ARHGEF10: variants seen among roughly 807,000 people sequenced by gnomAD.
ARHGEF10 encodes the protein Rho guanine nucleotide exchange factor 10, also known as Rho guanine nucleotide exchange factor (GEF) 10.
A neutral mutation model predicts 147.4 loss-of-function variants in ARHGEF10; 140 were observed. The observed-to-expected ratio is 0.95, with a 90% CI of 0.83 to 1.09. The LOEUF (loss-of-function observed/expected upper bound fraction) is 1.09. Among genes scored for constraint, ARHGEF10 ranks in the 50% least tolerant of loss-of-function variants. The pLI is 0.00. For synonymous variants in ARHGEF10, 902 were observed against 695.8 expected (o/e 1.30, Z -4.67); for missense variants, 2,222 against 1,752.7 (o/e 1.27, Z -4.78).
intron 2 of ARHGEF10, among the ~76,000 whole-genome samples, chr8:1,846,284 C>G (rs1262583509): frequency 1.3e-5 from 2 of 152,226 alleles, no homozygotes; most frequent in African/African-American, 4.8e-5. Context: ...AGTGCTCTGG[C>G]TTGGAAACTT....
intron 1 of ARHGEF10, among the ~76,000 whole-genome samples, chr8:1,831,782 A>T (rs1295976326): frequency 6.6e-6 from 1 of 152,170 alleles, no homozygotes; most frequent in African/African-American, 2.4e-5. Flanking sequence ...GGTGCTCCTG[A>T]TGGAGTCACT....
intron 26 of ARHGEF10, 68 bp downstream of exon 26, chr8:1,934,010 G>A (rs1813366124): frequency 1.9e-6 from 3 of 1,601,650 alleles, no homozygotes; most frequent in Non-Finnish European, 2.6e-6. Context: ...CTGACTTCTG[G>A]TGCCGAAGTC....
intron 11 of ARHGEF10, 137 bp downstream of exon 11, chr8:1,885,844 C>G (rs1160241327): frequency 4.0e-6 from 3 of 743,240 alleles, no homozygotes; most frequent in Non-Finnish European, 7.1e-6. Flanking sequence ...ACTGTAGGTT[C>G]CTGGCCCAGC....
At chr8:1,829,038 C>T (rs979561050) in intron 1 of ARHGEF10, among the ~76,000 whole-genome samples, 3 of 152,236 alleles carry the variant, frequency 2.0e-5, no homozygotes, top group Non-Finnish European at 4.4e-5. Context: ...GACGGGGAGT[C>T]CTCGAGCTTT....
chr8:1,949,940 G>A (rs1814894100), intron 27 of ARHGEF10, among the ~76,000 whole-genome samples: 4 of 152,118 alleles, frequency 2.6e-5, no homozygotes, highest in African/African-American at 4.8e-5. Flanking sequence ...CTGTCTCTGA[G>A]GTTATTTGAA....
intron 26 of ARHGEF10, among the ~76,000 whole-genome samples, chr8:1,943,425 TCTC>T (rs796517093): frequency 2.6e-4 from 39 of 152,084 alleles, no homozygotes; most frequent in African/African-American, 9.2e-4. Context: ...CTGCACACCT[TCTC>T]CTCTGTGACG....
In ARHGEF10 at chr8:1,957,217, T is replaced by C; in HGVS notation, c.3989T>C (p.Leu1330Pro). Residue 1330 changes from leucine to proline, a missense_variant, in exon 29 of 29, where the codon CTG becomes CCG. Coordinates refer to ENST00000349830, the MANE Select transcript of ARHGEF10 (RefSeq NM_014629.4). ...RKARQPHQEE[L>P]APTVMVWQIP... ...GCCCGGCAGCCCCACCAGGAAGAGCTGGCGCCGACCGTCATGGTCTGGCAG... is the reference window on the plus strand; with the variant it reads ...GCCCGGCAGCCCCACCAGGAAGAGCCGGCGCCGACCGTCATGGTCTGGCAG... 1.2e-6 allele frequency: 2 copies of C among 1,612,080 alleles called. No individual in the cohort carries two copies. Among genetic ancestry groups the C allele is most frequent in the South Asian group, 2.2e-5 (2 of 91,054 alleles).
At chr8:1,889,167 T>G (rs1447541183) in intron 11 of ARHGEF10, among the ~76,000 whole-genome samples, 42 of 38,688 alleles carry the variant, frequency 1.1e-3, no homozygotes, top group African/African-American at 6.5e-3. Context: ...GACGCTGAGT[T>G]GGGGGGTTGT....
chr8:1,866,647 A>C, intron 6 of ARHGEF10, 45 bp downstream of exon 6: 2 of 1,567,760 alleles, frequency 1.3e-6, no homozygotes, highest in Non-Finnish European at 1.7e-6. Flanking sequence ...ACCACGCTCC[A>C]CAGACGTCAC....
intron 1 of ARHGEF10, among the ~76,000 whole-genome samples, chr8:1,837,676 G>A (rs1803668445): frequency 6.6e-6 from 1 of 152,190 alleles, no homozygotes; most frequent in South Asian, 2.1e-4. Flanking sequence ...GCGGGAAGGG[G>A]GAAGAGTGTG....
At position 1,867,473 on chromosome 8, in the gene ARHGEF10, A is replaced by C. The variant is rs12674789; in HGVS notation, c.622+871A>C. Among the ~76,000 whole-genome samples, 8 of 152,224 alleles carry C rather than the reference A, an allele frequency of 5.3e-5. No homozygotes were observed. In the East Asian group the frequency reaches 1.2e-3, roughly 22 times the overall value. ...AACGTAAACAGAGCAAAGAATTCCA[A>C]ACTCTATTTTTATGTACATTTAAAC... On this transcript the variant is annotated intron_variant, in intron 6 of 28. Coordinates refer to ENST00000349830, the MANE Select transcript of ARHGEF10 (RefSeq NM_014629.4).
rs566570595 is a variant in ARHGEF10 at position 1,935,039 on chromosome 8, T to G, written c.3222+1097T>G. On this transcript the variant is annotated intron_variant, in intron 26 of 28. Transcript: ENST00000349830. The stretch of plus-strand genomic sequence containing the variant: ...GGCAGCTCACAGAAAAAGAAAGAAA[T>G]AAACAATAAACTCATACACATATAA... Among the ~76,000 whole-genome samples, 207 of 152,254 alleles carry G rather than the reference T, an allele frequency of 1.4e-3. 2 individuals carry two copies. The highest frequency in any genetic ancestry group is 4.7e-3 in the African/African-American group (195 of 41,524).
At chr8:1,899,982 G>T (rs1376146992) in intron 15 of ARHGEF10, among the ~76,000 whole-genome samples, 2 of 152,224 alleles carry the variant, frequency 1.3e-5, no homozygotes, top group Non-Finnish European at 2.9e-5. Flanking sequence ...CGATGCGCCA[G>T]TGAGTCCCTG....
chr8:1,901,645 C>A (rs1195693505), intron 15 of ARHGEF10, among the ~76,000 whole-genome samples: 1 of 152,232 alleles, frequency 6.6e-6, no homozygotes, highest in Admixed American at 6.5e-5. Flanking sequence ...CGGATGCCCC[C>A]GGCTGTGCTC....
intron 2 of ARHGEF10, among the ~76,000 whole-genome samples, chr8:1,849,937 C>CAT (rs1458368236): frequency 2.4e-4 from 33 of 137,424 alleles, no homozygotes; most frequent in Non-Finnish European, 3.7e-4. Context: ...GGGCCGGCTG[C>CAT]GTGGACACAG....
chr8:1,826,841 C>T (rs1802800989), intron 1 of ARHGEF10, among the ~76,000 whole-genome samples: 1 of 152,198 alleles, frequency 6.6e-6, no homozygotes, highest in Non-Finnish European at 1.5e-5. Context: ...TATAGTTTGC[C>T]TGGGTAGAAA....
intron 16 of ARHGEF10, among the ~76,000 whole-genome samples, chr8:1,905,011 C>A (rs1810769694): frequency 6.6e-6 from 1 of 152,114 alleles, no homozygotes; most frequent in Non-Finnish European, 1.5e-5. Context: ...CACCTGTGGT[C>A]CCAGCTACTC....
rs183564867 is a variant in ARHGEF10, at chr8:1,879,015, G to A, written c.844-1033G>A. On this transcript the variant is annotated intron_variant, in intron 8 of 28. Transcript: ENST00000349830. ...CCGTGTGTTAGGCCTGTCCAGGATGGAAGTGCTGCAGGCAGCACCAAGTTT... is the reference window on the plus strand; with the variant it reads ...CCGTGTGTTAGGCCTGTCCAGGATGAAAGTGCTGCAGGCAGCACCAAGTTT... 9.9e-3 allele frequency among the ~76,000 whole-genome samples: 1,501 copies of A among 152,328 alleles called. 14 individuals are homozygous for A. Among genetic ancestry groups the A allele is most frequent in the Non-Finnish European group, 0.016 (1,120 of 68,030 alleles).
At chr8:1,944,855 T>C (rs4472563) in intron 26 of ARHGEF10, among the ~76,000 whole-genome samples, 9,567 of 152,242 alleles carry the variant, frequency 0.063, 592 homozygotes, top group African/African-American at 0.16. Context: ...GAGGCCATGT[T>C]GGGGGGTCGC....
Sources: gnomAD v4.1 joint callset for allele counts (sites outside exome capture counted in the v4.1 genomes callset) on GRCh38, gnomAD v4.1.1 for gene constraint, MANE v1.5 for transcripts, NCBI Gene and HGNC (gene_info 2026-07-23, HGNC 2026-07-21) for gene names.